Variants in GGT7 observed in about 807,000 individuals in gnomAD.
GGT7 encodes the protein gamma-glutamyltransferase 7.
Under a neutral mutation model 69.2 loss-of-function variants are expected in GGT7, and 30 were observed. The observed-to-expected ratio is 0.43, with a 90% CI of 0.32 to 0.59. The LOEUF (loss-of-function observed/expected upper bound fraction) is 0.59, where lower values mean the gene tolerates loss of function less well. GGT7 is among the 20% of genes least tolerant of loss of function. The pLI is 0.05. For missense variants in GGT7, 733 were observed against 901.1 expected (o/e 0.81, Z 2.39); for synonymous variants, 388 against 391.8 (o/e 0.99, Z 0.12).
chr20:34,862,957 C>T lies in GGT7; in HGVS notation c.414G>A (p.Gln138=). Residue 138 remains glutamine, a synonymous_variant, in exon 3 of 15, where the codon CAG becomes CAA. Transcript: ENST00000336431. Reference sequence around the variant, plus strand: ...CAGCATCGGTCACCACGGCACCCTGCTGGAAGATCTGGGAGGGGAAAGAGG... The same window carrying T: ...CAGCATCGGTCACCACGGCACCCTGTTGGAAGATCTGGGAGGGGAAAGAGG... ...QIYFGDPQIF[Q]QGAVVTDAAR... 4 of 1,612,340 alleles carry T rather than the reference C, an allele frequency of 2.5e-6. No individual in the cohort carries two copies. Among genetic ancestry groups the T allele is most frequent in the Non-Finnish European group, 3.4e-6 (4 of 1,179,274 alleles).
chr20:34,853,340 GGTGTGTGTGTGTGT>G (rs10527077), intron 10 of GGT7, among the ~76,000 whole-genome samples: 2,580 of 147,410 alleles, frequency 0.018, 57 homozygotes, highest in South Asian at 0.052. Context: ...ATTTCATATA[GGTGTGTGTGTGTGT>G]GTGTGTGTGT....
intron 5 of GGT7, 96 bp from the exon 6 acceptor site, chr20:34,860,138 G>T: frequency 9.7e-7 from 1 of 1,026,396 alleles, no homozygotes; most frequent in Non-Finnish European, 1.5e-6. Context: ...GTCCTGGCAA[G>T]GGAAGGGGAT....
intron 10 of GGT7, 55 bp from the exon 11 acceptor site, chr20:34,852,593 C>T: frequency 6.8e-7 from 1 of 1,468,788 alleles, no homozygotes; most frequent in South Asian, 1.3e-5. Context: ...ATACACCCCA[C>T]CTACCTCACT....
At chr20:34,862,178 A>G (rs73902696) in intron 3 of GGT7, among the ~76,000 whole-genome samples, 6,776 of 152,302 alleles carry the variant, frequency 0.044, 490 homozygotes, top group African/African-American at 0.16. Context: ...TGGACAGTGC[A>G]TGCCCATCAT....
In GGT7 at chr20:34,859,515, C is replaced by T. The variant is rs748664406; in HGVS notation, c.942G>A (p.Leu314=). 1.9e-6 allele frequency: 3 copies of T among 1,612,462 alleles called. No homozygotes were observed. In the African/African-American group the frequency reaches 4.0e-5, roughly 22 times the overall value. The part of the protein sequence containing the change: ...LLHRPDLAEV[L]DVLGTSGPAA... Reference sequence around the variant, plus strand: ...CCGGGCCGGAGGTGCCAAGTACATCCAGCACCTCAGCCAGGTCGGGCCGAT... The same window carrying T: ...CCGGGCCGGAGGTGCCAAGTACATCTAGCACCTCAGCCAGGTCGGGCCGAT... The change falls in exon 7 of 15, where the codon CTG becomes CTA. Residue 314 remains leucine (L), a synonymous_variant. Coordinates refer to ENST00000336431, the MANE Select transcript of GGT7 (RefSeq NM_178026.3).
intron 10 of GGT7, among the ~76,000 whole-genome samples, 180 bp from the exon 11 acceptor site, chr20:34,852,718 G>GA (rs985934275): frequency 1.6e-4 from 25 of 152,174 alleles, no homozygotes; most frequent in Non-Finnish European, 3.1e-4. Flanking sequence ...AATAGCTGTT[G>GA]AATGTATTTA....
In GGT7 at chr20:34,872,707, G is replaced by T. The variant is rs770492415; in HGVS notation, c.109C>A (p.Pro37Thr). ...FPRLPEDEPA[P>T]AAPLRGRKDE... ...TTGCGGCCCCTCAGCGGGGCCGCGG[G>T]CGCCGGCTCGTCCTCGGGCAGCCGC... The change falls in exon 1 of 15, where the codon CCC (proline) becomes ACC (threonine). Residue 37 changes from proline to threonine, a missense_variant. Physicochemically the swap from Pro to Thr is conservative, Grantham distance 38. Coordinates refer to ENST00000336431, the MANE Select transcript of GGT7 (RefSeq NM_178026.3). 7 of 1,487,400 alleles carry T rather than the reference G, an allele frequency of 4.7e-6. No homozygotes were observed. In the Middle Eastern group the frequency reaches 9.8e-4, roughly 208 times the overall value. The allele number at this position is 1,487,400 out of a possible 1,614,324, so 92.1% of individuals were successfully genotyped here.
chr20:34,854,216 C>T (rs1176740793), intron 10 of GGT7, among the ~76,000 whole-genome samples: 2 of 152,208 alleles, frequency 1.3e-5, no homozygotes, highest in Non-Finnish European at 1.5e-5. Context: ...GGATTACAGG[C>T]GTGAGCCACC....
chr20:34,853,340 G>GGGGTGTGTGT (rs1435116812), intron 10 of GGT7, among the ~76,000 whole-genome samples: 2 of 147,326 alleles, frequency 1.4e-5, no homozygotes, highest in African/African-American at 5.0e-5. Flanking sequence ...ATTTCATATA[G>GGGGTGTGTGT]GTGTGTGTGT....
At chr20:34,856,184 C>A (rs551104475) in intron 8 of GGT7, among the ~76,000 whole-genome samples, 2 of 152,250 alleles carry the variant, frequency 1.3e-5, no homozygotes, top group Non-Finnish European at 2.9e-5. Context: ...TCAGAGAAAC[C>A]CTTTCCTGGG....
Position 34,872,744 on chromosome 20 carries a change from G to A in GGT7, c.72C>T (p.Ile24=). 6.6e-7 allele frequency: 1 copy of A among 1,505,022 alleles called. No homozygotes were observed. The highest frequency in any genetic ancestry group is 8.8e-7 in the Non-Finnish European group (1 of 1,130,078). The allele number at this position is 1,505,022 out of a possible 1,614,324, so 93.2% of individuals were successfully genotyped here. The part of the protein sequence containing the change: ...GAYSPVDYMS[I]TSFPRLPEDE... The stretch of plus-strand genomic sequence containing the variant: ...CCTCGGGCAGCCGCGGGAAGCTGGT[G>A]ATGCTCATGTAGTCCACTGGCGAGT... Residue 24 remains isoleucine, a synonymous_variant, in exon 1 of 15, where the codon ATC becomes ATT. Transcript: ENST00000336431.
chr20:34,868,323 G>T (rs1008572124), intron 1 of GGT7, among the ~76,000 whole-genome samples: 8 of 152,324 alleles, frequency 5.3e-5, no homozygotes, highest in African/African-American at 1.7e-4. Context: ...TACCTACTAT[G>T]TGCACTGTGG....
At chr20:34,861,363 C>T in intron 4 of GGT7, 82 bp downstream of exon 4, 3 of 629,072 alleles carry the variant, frequency 4.8e-6, no homozygotes, top group East Asian at 5.9e-5. Flanking sequence ...CTGGTAAATA[C>T]TTAGCAAATT....
intron 4 of GGT7, among the ~76,000 whole-genome samples, chr20:34,860,847 C>T (rs539682304): frequency 6.6e-6 from 1 of 152,238 alleles, no homozygotes; most frequent in East Asian, 1.9e-4. Flanking sequence ...TCAAGCAATC[C>T]TCCTGCCTTG....
Position 34,872,774 on chromosome 20 carries a change from GC to G in GGT7, c.41del (p.Gly14AlafsTer9). On this transcript the variant is annotated frameshift_variant, in exon 1 of 15. Transcript: ENST00000336431. LOFTEE classifies it high-confidence loss of function. Reference sequence around the variant, plus strand: ...TCATGTAGTCCACTGGCGAGTAGGCGCCCAGGGCGCTCTCCTGGCTGGCCTC... The same window carrying G: ...TCATGTAGTCCACTGGCGAGTAGGCGCCAGGGCGCTCTCCTGGCTGGCCTC... ...ENEASQESALGAYSPVDYMSI... is the reference protein window; with the variant it reads ...ENEASQESALXAYSPVDYMSI... 3 of 1,427,406 alleles carry G rather than the reference GC, an allele frequency of 2.1e-6. No homozygotes were observed. Among genetic ancestry groups the G allele is most frequent in the Non-Finnish European group, 2.8e-6 (3 of 1,085,220 alleles). The allele number at this position is 1,427,406 out of a possible 1,614,324, so 88.4% of individuals were successfully genotyped here. A position where few individuals can be genotyped will look rare whatever the true frequency, so the allele number is the denominator to read the frequency against.
chr20:34,854,930 G>T lies in GGT7; in HGVS notation c.1103-7C>A. The stretch of plus-strand genomic sequence containing the variant: ...GGACTAAGAACCAGGTGGCCTGAAA[G>T]GACAGGAAGTGACTGATGGCAGGGT... On this transcript the variant is annotated splice_region_variant and splice_polypyrimidine_tract_variant and intron_variant, in intron 8 of 14. Transcript: ENST00000336431. 6.2e-7 allele frequency: 1 copy of T among 1,613,218 alleles called. No homozygotes were observed. The highest frequency in any genetic ancestry group is 1.1e-5 in the South Asian group (1 of 90,952).
rs1166090206 is a variant in GGT7, at chr20:34,860,053, C to T, written c.744-11G>A. 3.3e-6 allele frequency: 4 copies of T among 1,211,062 alleles called. No homozygotes were observed. The highest frequency in any genetic ancestry group is 2.8e-5 in the Admixed American group (1 of 36,082). 75.0% of individuals were successfully genotyped at this position (1,211,062 alleles called of 1,614,324 possible). Reference sequence around the variant, plus strand: ...TGGGACCATGGCAGCCTGGGGGGGCCGGAGAGCAGGGGGTGGAGGAGGTCC... The same window carrying T: ...TGGGACCATGGCAGCCTGGGGGGGCTGGAGAGCAGGGGGTGGAGGAGGTCC... On this transcript the variant is annotated splice_polypyrimidine_tract_variant and intron_variant, in intron 5 of 14. Transcript: ENST00000336431.
intron 7 of GGT7, 47 bp downstream of exon 7, chr20:34,859,396 A>G (rs756014712): frequency 2.1e-6 from 3 of 1,460,460 alleles, no homozygotes; most frequent in Non-Finnish European, 2.8e-6. Flanking sequence ...ATGTCCTGCA[A>G]TAGGGACCTT....
rs572089594 is a variant in GGT7 at position 34,863,290 on chromosome 20, C to A, written c.405+23G>T. ...CACTCCCCACTCCCCAGTTTCCTCC[C>A]CCTCCCCATTTGTCCCCCTCACCTG... is the stretch of plus-strand genomic sequence containing the variant. On this transcript the variant is annotated intron_variant, in intron 2 of 14. Transcript: ENST00000336431. The surrounding 1 kb of genome is among the most constrained non-coding windows in gnomAD (Gnocchi z 4.4). 2.7e-5 allele frequency: 41 copies of A among 1,541,502 alleles called. No homozygotes were observed. Among genetic ancestry groups the A allele is most frequent in the Admixed American group, 6.8e-5 (4 of 58,644 alleles).
Sources: allele counts gnomAD v4.1 joint callset (sites outside exome capture counted in the v4.1 genomes callset), GRCh38; gene constraint gnomAD v4.1.1; non-coding constraint Gnocchi (gnomAD v3.1); transcripts MANE v1.5; gene names NCBI Gene and HGNC (gene_info 2026-07-23, HGNC 2026-07-21).